The following MYCBP2 variants were observed in gnomAD, a reference collection of about 807,000 sequenced individuals.
MYCBP2 encodes MYC binding protein 2.
A neutral mutation model predicts 525.3 loss-of-function variants in MYCBP2; 120 were observed. The ratio of observed to expected loss-of-function variants is 0.23; its 90% confidence interval spans 0.20 to 0.27. MYCBP2 has a LOEUF of 0.27. Ranked by LOEUF, MYCBP2 falls within the 10% of genes least tolerant of loss-of-function variation. MYCBP2 has a pLI of 1.00. For synonymous variants in MYCBP2, 1,894 were observed against 1,955.8 expected, an observed-to-expected ratio of 0.97 and a Z score of 0.83; for missense variants, 4,149 against 5,657.1, an observed-to-expected ratio of 0.73 and a Z score of 8.55.
chr13:77,309,539 A>G (rs2079900548), intron 1 of MYCBP2, among the ~76,000 whole-genome samples: 1 of 152,142 alleles, frequency 6.6e-6, no homozygotes, highest in African/African-American at 2.4e-5. Context: ...CCAAGAATGG[A>G]CTCTTGAGAA....
At chr13:77,070,932 CCTTTCACAAATTT>C (rs1249125475) in intron 68 of MYCBP2, among the ~76,000 whole-genome samples, 3 of 152,042 alleles carry the variant, frequency 2.0e-5, no homozygotes, top group African/African-American at 7.2e-5. Flanking sequence ...AGTATATTCT[CCTTTCACAAATTT>C]CTTTAATGTA....
In MYCBP2 at chr13:77,309,507, A is replaced by G. The variant is rs887008643; in HGVS notation, c.303-12833T>C. On this transcript the variant is annotated intron_variant, in intron 1 of 82. Transcript: ENST00000544440. Reference sequence around the variant, plus strand: ...ATCATAAGCCTGAGACAACCAAAGAAGAAAATTCAGAGAGAAGAATCCCAA... The same window carrying G: ...ATCATAAGCCTGAGACAACCAAAGAGGAAAATTCAGAGAGAAGAATCCCAA... Among the ~76,000 whole-genome samples, 39 of 152,250 alleles carry G rather than the reference A, an allele frequency of 2.6e-4. 1 individual carries two copies. The highest frequency in any genetic ancestry group is 4.4e-5 in the Non-Finnish European group (3 of 68,036).
At chr13:77,295,736 G>T (rs1369479391) in intron 2 of MYCBP2, among the ~76,000 whole-genome samples, 1 of 152,094 alleles carries the variant, frequency 6.6e-6, no homozygotes, top group East Asian at 1.9e-4. Context: ...CAAGTGCTCT[G>T]GTCACTGAAA....
At chr13:77,110,654 C>A (rs1349444679) in intron 55 of MYCBP2, among the ~76,000 whole-genome samples, 1 of 152,016 alleles carries the variant, frequency 6.6e-6, no homozygotes, top group African/African-American at 2.4e-5. Context: ...GCTCAGAGGA[C>A]ATCACGGTCC....
intron 68 of MYCBP2, among the ~76,000 whole-genome samples, chr13:77,071,763 C>T (rs1158978356): frequency 6.6e-6 from 1 of 152,124 alleles, no homozygotes; most frequent in Non-Finnish European, 1.5e-5. Flanking sequence ...AGAAGAACAG[C>T]AGAGTTCACA....
intron 15 of MYCBP2, among the ~76,000 whole-genome samples, chr13:77,248,219 A>G (rs1026700977): frequency 6.6e-6 from 1 of 152,058 alleles, no homozygotes; most frequent in Admixed American, 6.5e-5. Context: ...CTTGGATATG[A>G]TACCAAAGGC....
chr13:77,254,187 A>C (rs1022817423), intron 14 of MYCBP2, among the ~76,000 whole-genome samples: 1 of 152,006 alleles, frequency 6.6e-6, no homozygotes. Flanking sequence ...AGTATATTTT[A>C]TGTGTAAAAC....
chr13:77,250,661 A>C (rs1344185042), intron 15 of MYCBP2, among the ~76,000 whole-genome samples: 1 of 152,242 alleles, frequency 6.6e-6, no homozygotes, highest in African/African-American at 2.4e-5. Context: ...ACAAGGATAA[A>C]TATAGCAGGT....
rs777421995 is a variant in MYCBP2 at position 77,166,492 on chromosome 13, T to C, written c.6177A>G (p.Ala2059=). The stretch of plus-strand genomic sequence containing the variant: ...ACAAACGAAGGACATCTTCTGACTG[T>C]GCAGTACCACACTGAGGGTCAAATT... The part of the protein sequence containing the change: ...TIEFDPQCGT[A]QSEDVLRLLI... The change falls in exon 41 of 83, where the codon GCA becomes GCG. Residue 2059 remains alanine (A), a synonymous_variant. Coordinates refer to ENST00000544440, the MANE Select transcript of MYCBP2 (RefSeq NM_015057.5). 1 of 1,614,036 alleles carries C rather than the reference T, an allele frequency of 6.2e-7. No individual in the cohort carries two copies. Among genetic ancestry groups the C allele is most frequent in the South Asian group, 1.1e-5 (1 of 91,070 alleles).
intron 1 of MYCBP2, among the ~76,000 whole-genome samples, chr13:77,318,644 C>G (rs2081245110): frequency 6.6e-6 from 1 of 152,156 alleles, no homozygotes; most frequent in Non-Finnish European, 1.5e-5. Flanking sequence ...ATCCCAACTA[C>G]TCAGGAGGCT....
intron 55 of MYCBP2, among the ~76,000 whole-genome samples, chr13:77,100,978 G>A (rs1443119754): frequency 6.6e-6 from 1 of 152,032 alleles, no homozygotes; most frequent in Non-Finnish European, 1.5e-5. Context: ...TAATCTTACT[G>A]ACCTAGTAAC....
rs532623987 is a variant in MYCBP2, at chr13:77,056,401, G to C, written c.13437+585C>G. ...ATAAGAAAATAGGGAGAGCTTAATAGAACAAAAAGGGGCGATGAATTAATA... is the reference window on the plus strand; with the variant it reads ...ATAAGAAAATAGGGAGAGCTTAATACAACAAAAAGGGGCGATGAATTAATA... On this transcript the variant is annotated intron_variant, in intron 79 of 82. Coordinates refer to ENST00000544440, the MANE Select transcript of MYCBP2 (RefSeq NM_015057.5). 4.6e-5 allele frequency among the ~76,000 whole-genome samples: 7 copies of C among 152,096 alleles called. No homozygotes were observed. The South Asian group carries it at 1.5e-3, about 32-fold the overall frequency.
intron 2 of MYCBP2, among the ~76,000 whole-genome samples, chr13:77,289,034 T>C (rs1302970473): frequency 6.6e-6 from 1 of 152,070 alleles, no homozygotes; most frequent in Non-Finnish European, 1.5e-5. Flanking sequence ...AATTTCAAGA[T>C]CAACATTTAT....
At chr13:77,115,312 T>G (rs1234811962) in intron 55 of MYCBP2, among the ~76,000 whole-genome samples, 1 of 151,902 alleles carries the variant, frequency 6.6e-6, no homozygotes, top group Non-Finnish European at 1.5e-5. Context: ...TTTGGTTCAC[T>G]AAAATTTTTT....
chr13:77,067,879 A>T lies in MYCBP2; in HGVS notation c.12172-15T>A. Reference sequence around the variant, plus strand: ...AAAGAGGTTACCTGGTAAGAAAAATAAAATGAGAGAATTCCATGTAAAGAC... The same window carrying T: ...AAAGAGGTTACCTGGTAAGAAAAATTAAATGAGAGAATTCCATGTAAAGAC... On this transcript the variant is annotated splice_polypyrimidine_tract_variant and intron_variant, in intron 70 of 82. Coordinates refer to ENST00000544440, the MANE Select transcript of MYCBP2 (RefSeq NM_015057.5). The T allele has an allele frequency of 6.3e-7, 1 of 1,593,606 alleles. No homozygotes were observed. The highest frequency in any genetic ancestry group is 8.5e-7 in the Non-Finnish European group (1 of 1,169,860).
At chr13:77,222,799 C>T (rs2065777699) in intron 20 of MYCBP2, among the ~76,000 whole-genome samples, 1 of 152,112 alleles carries the variant, frequency 6.6e-6, no homozygotes, top group Admixed American at 6.6e-5. Flanking sequence ...TCCATCCCTG[C>T]CACAATAGTA....
At position 77,151,035 on chromosome 13, in the gene MYCBP2, T is replaced by A. The variant is rs2056382071; in HGVS notation, c.6916-86A>T. ...TAAGCAACTTACTATTATAAACTCA[T>A]AATTATGTATACTTTATGTTAGCAT... On this transcript the variant is annotated intron_variant, in intron 46 of 82. Transcript: ENST00000544440. 7.6e-6 allele frequency: 8 copies of A among 1,048,122 alleles called. No homozygotes were observed. In the South Asian group the frequency reaches 8.6e-5, roughly 11 times the overall value. The allele number at this position is 1,048,122 out of a possible 1,614,324, so 64.9% of individuals were successfully genotyped here.
At chr13:77,103,844 C>T (rs994229709) in intron 55 of MYCBP2, among the ~76,000 whole-genome samples, 13 of 152,104 alleles carry the variant, frequency 8.5e-5, no homozygotes, top group Middle Eastern at 3.4e-3. Flanking sequence ...TCAGTGAAAA[C>T]GTTAGTACTA....
At chr13:77,249,737 G>C (rs569305176) in intron 15 of MYCBP2, among the ~76,000 whole-genome samples, 52 of 152,066 alleles carry the variant, frequency 3.4e-4, no homozygotes, top group Non-Finnish European at 6.8e-4. Flanking sequence ...AGATCCAGGA[G>C]AATAAATTTC....
Sources: allele counts gnomAD v4.1 joint callset (sites outside exome capture counted in the v4.1 genomes callset), GRCh38; gene constraint gnomAD v4.1.1; transcripts MANE v1.5; gene names NCBI Gene and HGNC (gene_info 2026-07-23, HGNC 2026-07-21).